SLC17A3: variants seen among roughly 807,000 people sequenced by gnomAD.
SLC17A3 encodes sodium-dependent phosphate transport protein 4.
Under a neutral mutation model 60.3 loss-of-function variants are expected in SLC17A3, and 61 were observed. That is an observed-to-expected ratio of 1.01 (90% CI 0.82 to 1.25). SLC17A3 has a LOEUF of 1.25. Among genes scored for constraint, SLC17A3 ranks in the 50% most tolerant of loss-of-function variants. The pLI, the probability that SLC17A3 is intolerant of heterozygous loss-of-function variation, is 0.00. For missense variants in SLC17A3, 624 were observed against 594.9 expected (o/e 1.05, Z -0.51); for synonymous variants, 192 against 208.9 (o/e 0.92, Z 0.70).
chr6:25,850,239 A>G (rs1765250670), intron 8 of SLC17A3, 62 bp from the exon 9 acceptor site: 2 of 1,516,652 alleles, frequency 1.3e-6, no homozygotes, highest in Non-Finnish European at 9.1e-7. Flanking sequence ...ACTTTTGTTG[A>G]TAAATTACTA....
intron 2 of SLC17A3, 88 bp from the exon 3 acceptor site, chr6:25,862,532 C>T: frequency 9.6e-7 from 1 of 1,041,924 alleles, no homozygotes; most frequent in Non-Finnish European, 1.5e-6. Flanking sequence ...AGTACCTGAT[C>T]ACTTAACGAT....
intron 2 of SLC17A3, among the ~76,000 whole-genome samples, chr6:25,867,870 T>C (rs1049980926): frequency 2.4e-4 from 37 of 152,036 alleles, no homozygotes; most frequent in African/African-American, 8.9e-4. Flanking sequence ...AAAATATGCA[T>C]ACAAAATAAA....
intron 1 of SLC17A3, among the ~76,000 whole-genome samples, chr6:25,872,505 A>T (rs1765661091): frequency 6.6e-6 from 1 of 150,836 alleles, no homozygotes; most frequent in Middle Eastern, 3.5e-3. Flanking sequence ...ACACAAAGAC[A>T]CACACTTACA....
intron 5 of SLC17A3, among the ~76,000 whole-genome samples, chr6:25,860,706 C>T (rs1765432456): frequency 6.6e-6 from 1 of 152,180 alleles, no homozygotes; most frequent in Admixed American, 6.5e-5. Context: ...TGTCATTTGA[C>T]CTATTCTGGT....
chr6:25,864,110 A>G (rs114116274), intron 2 of SLC17A3, among the ~76,000 whole-genome samples: 484 of 152,118 alleles, frequency 3.2e-3, no homozygotes, highest in African/African-American at 0.011. Context: ...AGTAGAGGGA[A>G]CACCCCTGGA....
At chr6:25,858,156 T>C (rs540263848) in intron 5 of SLC17A3, among the ~76,000 whole-genome samples, 97 of 151,574 alleles carry the variant, frequency 6.4e-4, no homozygotes, top group African/African-American at 1.7e-3. Flanking sequence ...GCTGCAAATA[T>C]AGCTTCCTGT....
chr6:25,850,333 T>C (rs936436482), intron 8 of SLC17A3, 126 bp downstream of exon 8: 2 of 1,316,054 alleles, frequency 1.5e-6, no homozygotes, highest in East Asian at 2.5e-5. Flanking sequence ...GCTACTGGCA[T>C]GAGTATTAAA....
Position 25,855,169 on chromosome 6 carries a change from C to A in SLC17A3, c.687G>T (p.Gly229=), listed in dbSNP as rs772010884. ...CAAAGATATAGAAGACAAAGGGCCA[C>A]CCAAGGGTTTCACTAATGAAGCCAC... ...LIGGFISETL[G]WPFVFYIFGG... is the part of the protein sequence containing the mutation. Residue 229 remains glycine, a synonymous_variant, in exon 6 of 13, where the codon GGG becomes GGT. Coordinates refer to ENST00000397060, the MANE Select transcript of SLC17A3 (RefSeq NM_001098486.2). The A allele has an allele frequency of 1.9e-6, 3 of 1,613,344 alleles. No individual in the cohort carries two copies. Among genetic ancestry groups the A allele is most frequent in the Admixed American group, 1.7e-5 (1 of 59,984 alleles).
At chr6:25,862,973 T>A (rs1437565918) in intron 2 of SLC17A3, among the ~76,000 whole-genome samples, 1 of 151,864 alleles carries the variant, frequency 6.6e-6, no homozygotes, top group Non-Finnish European at 1.5e-5. Flanking sequence ...AAATTTTATG[T>A]ATGTAAATGA....
intron 5 of SLC17A3, 30 bp downstream of exon 5, chr6:25,861,594 A>C: frequency 6.4e-7 from 1 of 1,566,754 alleles, no homozygotes; most frequent in Non-Finnish European, 8.8e-7. Flanking sequence ...GTTGGATTGT[A>C]GTGTACCCAT....
intron 2 of SLC17A3, among the ~76,000 whole-genome samples, chr6:25,866,958 C>T (rs1251018953): frequency 6.6e-6 from 1 of 151,964 alleles, no homozygotes; most frequent in African/African-American, 2.4e-5. Flanking sequence ...ACCATTGATA[C>T]ATCGTAATTT....
chr6:25,848,243 T>G (rs1765211381), intron 11 of SLC17A3, among the ~76,000 whole-genome samples: 1 of 152,236 alleles, frequency 6.6e-6, no homozygotes, highest in Non-Finnish European at 1.5e-5. Flanking sequence ...TAATGACTTC[T>G]TTTCTCTGGG....
chr6:25,859,653 A>G (rs900287221), intron 5 of SLC17A3, among the ~76,000 whole-genome samples: 2 of 152,180 alleles, frequency 1.3e-5, no homozygotes, highest in Admixed American at 6.5e-5. Flanking sequence ...CAGCAAGTGC[A>G]TGTCATTGGC....
intron 5 of SLC17A3, among the ~76,000 whole-genome samples, chr6:25,858,476 G>C (rs1179087): frequency 6.6e-6 from 1 of 151,948 alleles, no homozygotes; most frequent in South Asian, 2.1e-4. Flanking sequence ...TCTTGAGGCA[G>C]CTGTCACACA....
In SLC17A3 at chr6:25,857,570, AG is replaced by A. The variant is rs1330003084; in HGVS notation, c.626-2341del. 7.0e-4 allele frequency among the ~76,000 whole-genome samples: 106 copies of A among 151,906 alleles called. 1 individual carries two copies. In the South Asian group the frequency reaches 7.3e-3, roughly 10 times the overall value. On this transcript the variant is annotated intron_variant, in intron 5 of 12. Transcript: ENST00000397060. The stretch of plus-strand genomic sequence containing the variant: ...ACCACATAACGTCAAAAAAAAAAAA[AG>A]AAAAAAAAGTCACTTATTTACTTGT...
intron 5 of SLC17A3, among the ~76,000 whole-genome samples, chr6:25,859,578 A>C (rs1765414112): frequency 6.6e-6 from 1 of 152,182 alleles, no homozygotes; most frequent in African/African-American, 2.4e-5. Context: ...AAGCCATGGC[A>C]GTTAGTTAGT....
At position 25,862,439 on chromosome 6, in the gene SLC17A3, T is replaced by G. The variant is rs527353361; in HGVS notation, c.97A>C (p.Ser33Arg). ...ATTCCATAGCGAGCAGAACATAAAC[T>G]TGGAACTGGAAATATTATGACATCA... ...DETLIPRKVP[S>R]LCSARYGIAL... The change falls in exon 3 of 13, where the codon AGT becomes CGT. Residue 33 changes from serine to arginine, a missense_variant. Transcript: ENST00000397060. The G allele has an allele frequency of 3.1e-6, 5 of 1,612,560 alleles. No individual in the cohort carries two copies. In the Admixed American group the frequency reaches 8.3e-5, roughly 27 times the overall value.
chr6:25,867,939 G>C (rs1003125337), intron 2 of SLC17A3, among the ~76,000 whole-genome samples: 9 of 151,654 alleles, frequency 5.9e-5, no homozygotes, highest in African/African-American at 2.2e-4. Flanking sequence ...TTTATTTCTT[G>C]TTTTTTGAAG....
At position 25,848,686 on chromosome 6, in the gene SLC17A3, T is replaced by C. The variant is rs528935297; in HGVS notation, c.1362+688A>G. ...CAGAAAAACCCTTCTAGACACCGGC[T>C]TAGGCAAGGATTTCATGACCAAGAA... On this transcript the variant is annotated intron_variant, in intron 11 of 12. Coordinates refer to ENST00000397060, the MANE Select transcript of SLC17A3 (RefSeq NM_001098486.2). Among the ~76,000 whole-genome samples, 3 of 152,188 alleles carry C rather than the reference T, an allele frequency of 2.0e-5. No homozygotes were observed. The South Asian group carries it at 6.2e-4, about 32-fold the overall frequency.
Sources: gnomAD v4.1 joint callset for allele counts (sites outside exome capture counted in the v4.1 genomes callset) on GRCh38, gnomAD v4.1.1 for gene constraint, MANE v1.5 for transcripts, NCBI Gene and HGNC (gene_info 2026-07-23, HGNC 2026-07-21) for gene names.